FBXL7: variants seen among roughly 807,000 people sequenced by gnomAD.
FBXL7 encodes the protein F-box/LRR-repeat protein 7.
Under a neutral mutation model 38.3 loss-of-function variants are expected in FBXL7, and 12 were observed. The observed-to-expected ratio is 0.31, with a 90% CI of 0.20 to 0.51. FBXL7 has a LOEUF of 0.51. Ranked by LOEUF, FBXL7 falls within the 20% of genes least tolerant of loss-of-function variation. The pLI is 0.98. For synonymous variants in FBXL7, 297 were observed against 300.9 expected (o/e 0.99, Z 0.13); for missense variants, 567 against 676.4 (o/e 0.84, Z 1.79).
chr5:15,841,172 T>C (rs1398046116), intron 2 of FBXL7, among the ~76,000 whole-genome samples: 1 of 152,160 alleles, frequency 6.6e-6, no homozygotes, highest in East Asian at 1.9e-4. Flanking sequence ...TTTTTTCTTG[T>C]TTTTGTTTGT....
At chr5:15,813,546 C>A (rs1737926146) in intron 2 of FBXL7, among the ~76,000 whole-genome samples, 1 of 152,078 alleles carries the variant, frequency 6.6e-6, no homozygotes, top group Non-Finnish European at 1.5e-5. Context: ...ACACCAAAAG[C>A]AATGGCAACA....
intron 2 of FBXL7, among the ~76,000 whole-genome samples, chr5:15,798,489 C>G (rs908509291): frequency 6.6e-6 from 1 of 152,022 alleles, no homozygotes; most frequent in African/African-American, 2.4e-5. Flanking sequence ...TAACATTTTC[C>G]CAAAAAATGG....
chr5:15,627,146 C>G (rs963171011), intron 2 of FBXL7, among the ~76,000 whole-genome samples: 6 of 152,316 alleles, frequency 3.9e-5, no homozygotes, highest in Admixed American at 3.9e-4. Context: ...TCTGTTAGCT[C>G]TTTGGCTCCT....
At chr5:15,640,034 A>G (rs964919887) in intron 2 of FBXL7, among the ~76,000 whole-genome samples, 1 of 152,168 alleles carries the variant, frequency 6.6e-6, no homozygotes, top group Non-Finnish European at 1.5e-5. Context: ...GCATTTCACA[A>G]TGTCTTAAGG....
chr5:15,736,577 AG>A (rs1326460146), intron 2 of FBXL7, among the ~76,000 whole-genome samples: 2 of 152,246 alleles, frequency 1.3e-5, no homozygotes, highest in Admixed American at 1.3e-4. Context: ...TAAGTGCAAA[AG>A]TATTAAAGCA....
chr5:15,621,504 G>A (rs1740640223), intron 2 of FBXL7, among the ~76,000 whole-genome samples: 1 of 152,174 alleles, frequency 6.6e-6, no homozygotes, highest in African/African-American at 2.4e-5. Flanking sequence ...CCAGCCCATG[G>A]TTGGAATAGA....
intron 1 of FBXL7, among the ~76,000 whole-genome samples, chr5:15,600,327 A>C (rs1277936834): frequency 6.6e-6 from 1 of 152,118 alleles, no homozygotes; most frequent in Non-Finnish European, 1.5e-5. Flanking sequence ...CAGTCTTTTG[A>C]AAAGGCTTAT....
At chr5:15,606,294 C>T (rs1580400427) in intron 1 of FBXL7, among the ~76,000 whole-genome samples, 1 of 147,676 alleles carries the variant, frequency 6.8e-6, no homozygotes, top group East Asian at 2.7e-4. Flanking sequence ...CGCACGTGCA[C>T]ACACACACAC....
intron 2 of FBXL7, among the ~76,000 whole-genome samples, chr5:15,795,977 C>T (rs2126735961): frequency 6.6e-6 from 1 of 152,284 alleles, no homozygotes; most frequent in Non-Finnish European, 1.5e-5. Context: ...CCTAATAACC[C>T]ATAATCTATT....
chr5:15,938,466 C>A lies in FBXL7; in HGVS notation c.*1280C>A, dbSNP rs985989567. On this transcript the variant is annotated 3_prime_UTR_variant, in exon 4 of 4. Coordinates refer to ENST00000504595, the MANE Select transcript of FBXL7 (RefSeq NM_012304.5). ...TTGACCTCTTCTCATCTATTTATTTCTTTATACATCCAGACTTCATCACAT... is the reference window on the plus strand; with the variant it reads ...TTGACCTCTTCTCATCTATTTATTTATTTATACATCCAGACTTCATCACAT... 6.6e-6 allele frequency: 1 copy of A among 152,166 alleles called. No individual in the cohort carries two copies. The highest frequency in any genetic ancestry group is 2.4e-5 in the African/African-American group (1 of 41,432). 9.4% of individuals were successfully genotyped at this position (152,166 alleles called of 1,614,324 possible).
intron 2 of FBXL7, among the ~76,000 whole-genome samples, chr5:15,900,867 T>C (rs1741217245): frequency 6.6e-6 from 1 of 152,222 alleles, no homozygotes; most frequent in Non-Finnish European, 1.5e-5. Flanking sequence ...CAAGTTTACT[T>C]TACAATCTGA....
At chr5:15,821,190 G>A (rs1020848173) in intron 2 of FBXL7, among the ~76,000 whole-genome samples, 2 of 152,142 alleles carry the variant, frequency 1.3e-5, no homozygotes, top group Admixed American at 1.3e-4. Flanking sequence ...ACAAACTGGA[G>A]TCATTTTACT....
chr5:15,501,592 C>G, intron 1 of FBXL7: 2 of 985,522 alleles, frequency 2.0e-6, no homozygotes, highest in Non-Finnish European at 2.4e-6. Context: ...CAGCCCGCCC[C>G]CAGAGGACAG....
intron 2 of FBXL7, among the ~76,000 whole-genome samples, chr5:15,722,452 G>T (rs751263679): frequency 6.6e-6 from 1 of 152,142 alleles, no homozygotes; most frequent in Non-Finnish European, 1.5e-5. Flanking sequence ...TATTCAACAA[G>T]CTTTGAGGTA....
At chr5:15,935,069 G>C in intron 3 of FBXL7, 1 of 503,510 alleles carries the variant, frequency 2.0e-6, no homozygotes, top group East Asian at 5.6e-5. Context: ...AGGGCTAAGG[G>C]AAGCCATTTC....
At chr5:15,920,559 C>T (rs1367979220) in intron 2 of FBXL7, among the ~76,000 whole-genome samples, 2 of 151,884 alleles carry the variant, frequency 1.3e-5, no homozygotes, top group African/African-American at 2.4e-5. Context: ...CTCCCTCTGT[C>T]ACCCACACTG....
intron 2 of FBXL7, among the ~76,000 whole-genome samples, chr5:15,726,208 A>G (rs1054168129): frequency 3.9e-5 from 6 of 152,196 alleles, no homozygotes; most frequent in Non-Finnish European, 8.8e-5. Flanking sequence ...TTTGCATAGA[A>G]TATCTTTTCA....
intron 2 of FBXL7, among the ~76,000 whole-genome samples, chr5:15,920,283 T>G (rs970924250): frequency 6.6e-6 from 1 of 151,918 alleles, no homozygotes; most frequent in African/African-American, 2.4e-5. Context: ...CTTTATAATC[T>G]AGTTAAATGC....
At chr5:15,550,554 GC>G (rs1738036533) in intron 1 of FBXL7, among the ~76,000 whole-genome samples, 1 of 152,306 alleles carries the variant, frequency 6.6e-6, no homozygotes, top group South Asian at 2.1e-4. Context: ...TTCCACAGAT[GC>G]AAAGATGGGG....
Sources: allele counts gnomAD v4.1 joint callset (sites outside exome capture counted in the v4.1 genomes callset), GRCh38; gene constraint gnomAD v4.1.1; transcripts MANE v1.5; gene names NCBI Gene and HGNC (gene_info 2026-07-23, HGNC 2026-07-21).